Variants in TTLL11 observed in about 807,000 individuals in gnomAD.
TTLL11 encodes the protein tubulin tyrosine ligase like 11.
A neutral mutation model predicts 51.7 loss-of-function variants in TTLL11; 42 were observed. The observed-to-expected ratio is 0.81, with a 90% CI of 0.64 to 1.05. TTLL11 has a LOEUF of 1.05. Ranked by LOEUF, TTLL11 falls within the 50% of genes least tolerant of loss-of-function variation. TTLL11 has a pLI of 0.00. For synonymous variants in TTLL11, 381 were observed against 383.5 expected, an observed-to-expected ratio of 0.99 and a Z score of 0.08; for missense variants, 799 against 940.4, an observed-to-expected ratio of 0.85 and a Z score of 1.97.
intron 1 of TTLL11, among the ~76,000 whole-genome samples, chr9:122,045,272 G>C (rs1471527635): frequency 1.3e-5 from 2 of 152,116 alleles, no homozygotes; most frequent in Admixed American, 6.6e-5. Context: ...TTGAAAGCAG[G>C]CTGGGCGCAG....
intron 1 of TTLL11, among the ~76,000 whole-genome samples, chr9:122,048,895 A>C (rs765794822): frequency 2.0e-5 from 3 of 152,054 alleles, no homozygotes; most frequent in Non-Finnish European, 4.4e-5. Context: ...CAAACTCCTT[A>C]AGCACAAGGA....
intron 8 of TTLL11, among the ~76,000 whole-genome samples, chr9:121,841,270 G>A (rs961027831): frequency 6.6e-6 from 1 of 152,134 alleles, no homozygotes; most frequent in African/African-American, 2.4e-5. Flanking sequence ...TGGAGATGAG[G>A]CTGGCAAGTC....
chr9:121,832,870 G>A (rs187144826), intron 8 of TTLL11, among the ~76,000 whole-genome samples: 1 of 152,320 alleles, frequency 6.6e-6, no homozygotes, highest in East Asian at 1.9e-4. Flanking sequence ...AACCCAGGAG[G>A]CGGATGTTTC....
At chr9:121,909,323 G>A (rs1840036139) in intron 6 of TTLL11, among the ~76,000 whole-genome samples, 3 of 152,194 alleles carry the variant, frequency 2.0e-5, no homozygotes, top group East Asian at 3.9e-4. Flanking sequence ...TATGCTGAGG[G>A]CAATCACTCC....
chr9:122,036,471 T>A (rs969218331), intron 2 of TTLL11, among the ~76,000 whole-genome samples: 2 of 151,734 alleles, frequency 1.3e-5, no homozygotes, highest in Non-Finnish European at 2.9e-5. Flanking sequence ...AGTAGACATA[T>A]CTAATAATCT....
At chr9:122,033,410 C>A (rs143506492) in intron 2 of TTLL11, among the ~76,000 whole-genome samples, 17 of 152,326 alleles carry the variant, frequency 1.1e-4, no homozygotes, top group Non-Finnish European at 2.2e-4. Flanking sequence ...CCGCACCCGG[C>A]TATCATGCTT....
chr9:121,933,406 G>A (rs1391884145), intron 6 of TTLL11, among the ~76,000 whole-genome samples: 1 of 152,162 alleles, frequency 6.6e-6, no homozygotes, highest in Non-Finnish European at 1.5e-5. Context: ...TCAGGCTGGA[G>A]TAACTGATGG....
chr9:121,953,934 T>G lies in TTLL11; in HGVS notation c.1481+20075A>C, dbSNP rs577982101. Among the ~76,000 whole-genome samples, 242 of 152,268 alleles carry G rather than the reference T, an allele frequency of 1.6e-3. 2 individuals are homozygous for G. The highest frequency in any genetic ancestry group is 0.016 in the South Asian group (75 of 4,808). ...GCTTACTACTCTTATTATCAATAAT[T>G]GAGTTAACAGAATGTTAGGGCCAAA... On this transcript the variant is annotated intron_variant, in intron 6 of 8. Coordinates refer to ENST00000321582, the MANE Select transcript of TTLL11 (RefSeq NM_001139442.2).
At chr9:121,847,212 A>C (rs1215999925) in intron 8 of TTLL11, among the ~76,000 whole-genome samples, 2 of 18,496 alleles carry the variant, frequency 1.1e-4, no homozygotes, top group Admixed American at 2.8e-4. Flanking sequence ...CGTCTCAAAA[A>C]AAAAAAAAAA....
Position 122,092,940 on chromosome 9 carries a change from G to T in TTLL11, c.209C>A (p.Pro70His). ...GGTGTTCCCCTCCTCAGCCGCACTG[G>T]GCTGCGCCGGGGCCGGGGCCAGGAC... ...PKVLAPAPAQPSAAEEGNTQV... is the reference protein window; with the variant it reads ...PKVLAPAPAQHSAAEEGNTQV... The change falls in exon 1 of 9, where the codon CCC becomes CAC. Residue 70 changes from proline (P) to histidine (H), a missense_variant. This residue lies in a region of TTLL11 where 166 missense variants were observed against 161.6 expected (regional missense o/e 1.03). Transcript: ENST00000321582. 6.3e-7 allele frequency: 1 copy of T among 1,580,780 alleles called. No homozygotes were observed. The highest frequency in any genetic ancestry group is 8.5e-7 in the Non-Finnish European group (1 of 1,171,618).
Position 122,027,974 on chromosome 9 carries a change from C to T in TTLL11, c.693+3749G>A, listed in dbSNP as rs941399769. ...ATATTGTTAGAAGTAAAACAGATGA[C>T]GATAGCACAAAGGATGAGGGCGGGA... On this transcript the variant is annotated intron_variant, in intron 3 of 8. Coordinates refer to ENST00000321582, the MANE Select transcript of TTLL11 (RefSeq NM_001139442.2). Among the ~76,000 whole-genome samples the T allele has an allele frequency of 5.3e-5, 8 of 152,012 alleles. No individual in the cohort carries two copies. The South Asian group carries it at 1.0e-3, about 20-fold the overall frequency.
chr9:122,026,942 G>T (rs544039731), intron 3 of TTLL11, among the ~76,000 whole-genome samples: 1 of 149,180 alleles, frequency 6.7e-6, no homozygotes, highest in Non-Finnish European at 1.5e-5. Context: ...CTAGCCAGTC[G>T]TATTAGACTG....
At chr9:122,049,267 C>A (rs1488725456) in intron 1 of TTLL11, among the ~76,000 whole-genome samples, 1 of 152,182 alleles carries the variant, frequency 6.6e-6, no homozygotes, top group South Asian at 2.1e-4. Context: ...ATTTAATCCA[C>A]AAACATGATA....
At chr9:122,002,252 C>G (rs75627221) in intron 3 of TTLL11, among the ~76,000 whole-genome samples, 1,679 of 152,318 alleles carry the variant, frequency 0.011, 35 homozygotes, top group African/African-American at 0.038. Flanking sequence ...CTTAATAAAT[C>G]AGAGAGGGAC....
intron 6 of TTLL11, among the ~76,000 whole-genome samples, chr9:121,930,649 T>C (rs7038223): frequency 1.3e-5 from 2 of 152,218 alleles, no homozygotes; most frequent in East Asian, 1.9e-4. Flanking sequence ...GGGCCAAGGA[T>C]GAGAAGGACC....
intron 1 of TTLL11, chr9:122,040,417 T>C (rs1844818560): frequency 1.0e-6 from 1 of 985,040 alleles, no homozygotes; most frequent in Admixed American, 6.2e-5. Flanking sequence ...CTGTTGCTTC[T>C]CAAAGTTATC....
intron 3 of TTLL11, among the ~76,000 whole-genome samples, chr9:122,015,364 G>A (rs1445741757): frequency 6.6e-6 from 1 of 152,130 alleles, no homozygotes; most frequent in African/African-American, 2.4e-5. Flanking sequence ...GGCAACAAAG[G>A]AAATAACACT....
chr9:121,979,236 C>A (rs537584189), intron 4 of TTLL11, among the ~76,000 whole-genome samples: 2 of 152,266 alleles, frequency 1.3e-5, no homozygotes, highest in African/African-American at 4.8e-5. Flanking sequence ...GACCTGCCAA[C>A]AGCCATGGGA....
At chr9:122,055,745 C>T (rs181416082) in intron 1 of TTLL11, among the ~76,000 whole-genome samples, 5 of 152,320 alleles carry the variant, frequency 3.3e-5, no homozygotes, top group Admixed American at 3.3e-4. Flanking sequence ...GTCAAAGCTC[C>T]ACACCACCTT....
Sources: allele counts gnomAD v4.1 joint callset (sites outside exome capture counted in the v4.1 genomes callset), GRCh38; gene constraint gnomAD v4.1.1; regional missense constraint gnomAD v4.1.1; transcripts MANE v1.5; gene names NCBI Gene and HGNC (gene_info 2026-07-23, HGNC 2026-07-21).